SPTB: variants seen among roughly 807,000 people sequenced by gnomAD.
SPTB encodes spectrin beta chain, erythrocytic.
A neutral mutation model predicts 256.2 loss-of-function variants in SPTB; 45 were observed. That is an observed-to-expected ratio of 0.18 (90% CI 0.14 to 0.23). The LOEUF (loss-of-function observed/expected upper bound fraction) is 0.23. Among genes scored for constraint, SPTB ranks in the 10% least tolerant of loss-of-function variants. The probability of loss-of-function intolerance (pLI) is 1.00; values close to 1 mark genes in which losing one functional copy is unlikely to be tolerated. For missense variants in SPTB, 2,715 were observed against 3,040.4 expected, an observed-to-expected ratio of 0.89 and a Z score of 2.52; for synonymous variants, 1,231 against 1,243.1, an observed-to-expected ratio of 0.99 and a Z score of 0.21.
chr14:64,829,328 A>C (rs2083415789), intron 1 of SPTB, among the ~76,000 whole-genome samples: 1 of 152,198 alleles, frequency 6.6e-6, no homozygotes, highest in Non-Finnish European at 1.5e-5. Context: ...AAACAGACAA[A>C]AAAGAGGCAG....
intron 26 of SPTB, among the ~76,000 whole-genome samples, chr14:64,771,606 G>A (rs769630972): frequency 1.3e-5 from 2 of 152,124 alleles, no homozygotes; most frequent in Admixed American, 6.5e-5. Context: ...CTGAGTCCCC[G>A]TTCTTAACCA....
intron 20 of SPTB, among the ~76,000 whole-genome samples, chr14:64,780,456 C>T (rs1489459220): frequency 2.0e-5 from 3 of 152,104 alleles, no homozygotes; most frequent in Non-Finnish European, 4.4e-5. Context: ...TCTTGTTGCC[C>T]AGGCTGGAGT....
rs2082556438 is a variant in SPTB at position 64,785,866 on chromosome 14, G to T, written c.3647C>A (p.Ser1216Tyr). ...GACCTTATCCCGGTTGTTCTCCATA[G>T]ACCCCAAGAAATCCTCAAACTTCCG... is the stretch of plus-strand genomic sequence containing the variant. ...GIRKFEDFLG[S>Y]MENNRDKVLS... The change falls in exon 17 of 36, where the codon TCT (serine) becomes TAT (tyrosine). Residue 1216 changes from serine (S) to tyrosine (Y), a missense_variant. Transcript: ENST00000644917. This position sits in a 1 kb window ranked among gnomAD's most constrained non-coding sequence, Gnocchi z 4.4. 6.2e-7 allele frequency: 1 copy of T among 1,614,078 alleles called. No homozygotes were observed. The highest frequency in any genetic ancestry group is 1.3e-5 in the African/African-American group (1 of 75,004).
In SPTB at chr14:64,770,848, A is replaced by G. The variant is rs773003083; in HGVS notation, c.5798+37T>C. On this transcript the variant is annotated intron_variant, in intron 27 of 35. Coordinates refer to ENST00000644917, the MANE Select transcript of SPTB (RefSeq NM_001355436.2). ...GGTTGGCCGGGCTCCTCTGGCCTGG[A>G]GAGGAGCTGCCTCTGCCTCAAGGAC... 4.3e-6 allele frequency: 7 copies of G among 1,613,560 alleles called. No individual in the cohort carries two copies. The South Asian group carries it at 5.5e-5, about 13-fold the overall frequency.
In SPTB at chr14:64,806,470, G is replaced by A. The variant is rs2082986524; in HGVS notation, c.149-1380C>T. Reference sequence around the variant, plus strand: ...CGGAGCAGGCTGTGTGCTCGACTGAGCCTCAACCGTGAAAGGGCTGGCTTT... The same window carrying A: ...CGGAGCAGGCTGTGTGCTCGACTGAACCTCAACCGTGAAAGGGCTGGCTTT... On this transcript the variant is annotated intron_variant, in intron 2 of 35. Transcript: ENST00000644917. The surrounding 1 kb of genome is among the most constrained non-coding windows in gnomAD (Gnocchi z 4.1). 6.6e-6 allele frequency among the ~76,000 whole-genome samples: 1 copy of A among 152,238 alleles called. No homozygotes were observed. Among genetic ancestry groups the A allele is most frequent in the Admixed American group, 6.5e-5 (1 of 15,280 alleles).
Position 64,772,450 on chromosome 14 carries a change from C to T in SPTB, c.5553+130G>A, listed in dbSNP as rs2082290938. ...AAGCCACTGCTCCCAGCCCTGAGCT[C>T]CTGGCTGTCTAAGGAGGCAAAACCT... On this transcript the variant is annotated intron_variant, in intron 26 of 35. Coordinates refer to ENST00000644917, the MANE Select transcript of SPTB (RefSeq NM_001355436.2). This position sits in a 1 kb window ranked among gnomAD's most constrained non-coding sequence, Gnocchi z 5.4. 7.8e-7 allele frequency: 1 copy of T among 1,276,646 alleles called. No individual in the cohort carries two copies. Among genetic ancestry groups the T allele is most frequent in the Non-Finnish European group, 1.1e-6 (1 of 935,938 alleles). 79.1% of individuals were successfully genotyped at this position (1,276,646 alleles called of 1,614,324 possible). A position where few individuals can be genotyped will look rare whatever the true frequency, so the allele number is the denominator to read the frequency against.
At chr14:64,820,126 A>C (rs1034931094) in intron 2 of SPTB, among the ~76,000 whole-genome samples, 1 of 152,268 alleles carries the variant, frequency 6.6e-6, no homozygotes, top group Middle Eastern at 3.4e-3. Context: ...GATCACTGCT[A>C]TCTTATAAGC....
rs191213043 is a variant in SPTB at position 64,874,734 on chromosome 14, C to T, written c.-52+5058G>A. Among the ~76,000 whole-genome samples, 126 of 152,336 alleles carry T rather than the reference C, an allele frequency of 8.3e-4. 4 individuals carry two copies. In the South Asian group the frequency reaches 0.019, roughly 24 times the overall value. ...TTGCTATACATTCTCAAGTGAGACA[C>T]GCCCATATTTAAGTCTGGTACAAAT... On this transcript the variant is annotated intron_variant, in intron 1 of 35. Coordinates refer to ENST00000644917, the MANE Select transcript of SPTB (RefSeq NM_001355436.2).
intron 32 of SPTB, chr14:64,763,785 G>C (rs776549333): frequency 4.2e-5 from 22 of 518,912 alleles, no homozygotes; most frequent in South Asian, 3.1e-4. Context: ...GCCTTTACCA[G>C]AACGTGCTCT....
chr14:64,765,882 G>A (rs961499107), intron 32 of SPTB, among the ~76,000 whole-genome samples: 11 of 148,038 alleles, frequency 7.4e-5, no homozygotes, highest in Admixed American at 2.0e-4. Flanking sequence ...TGTGGAGGTT[G>A]CGGTGTGTGC....
intron 2 of SPTB, among the ~76,000 whole-genome samples, chr14:64,822,368 T>TCACACACACACACA (rs1594814472): frequency 1.9e-3 from 1 of 538 alleles, no homozygotes; most frequent in Non-Finnish European, 4.8e-3. Context: ...TCTCTCTCTC[T>TCACACACACACACA]CTCTCTCACA....
At chr14:64,869,317 C>T (rs985093069) in intron 1 of SPTB, among the ~76,000 whole-genome samples, 1 of 152,158 alleles carries the variant, frequency 6.6e-6, no homozygotes, top group East Asian at 1.9e-4. Flanking sequence ...GCCTTGTATC[C>T]AAGTTAAAAT....
chr14:64,805,899 G>C (rs1393031815), intron 2 of SPTB, among the ~76,000 whole-genome samples: 2 of 152,190 alleles, frequency 1.3e-5, no homozygotes, highest in Non-Finnish European at 2.9e-5. Flanking sequence ...GCTGAGGGCT[G>C]TCTGCGGCTT....
Position 64,749,356 on chromosome 14 carries a change from C to T in SPTB, c.6937G>A (p.Gly2313Ser), listed in dbSNP as rs536702051. The T allele has an allele frequency of 4.2e-5, 67 of 1,610,546 alleles. No individual in the cohort carries two copies. Among genetic ancestry groups the T allele is most frequent in the South Asian group, 2.1e-4 (19 of 90,918 alleles). Residue 2313 changes from glycine to serine, a missense_variant, in exon 36 of 36, where the codon GGC becomes AGC. Gly to Ser is a moderately conservative substitution (Grantham distance 56, BLOSUM62 0). Transcript: ENST00000644917. The surrounding 1 kb of genome is among the most constrained non-coding windows in gnomAD (Gnocchi z 4.7). ...PSLSGPDASL[G>S]KKDKEKRFSF... ...AATCTCTTCTCCTTGTCTTTCTTGC[C>T]GAGGCTGGCGTCGGGGCCGGAGAGG... is the stretch of plus-strand genomic sequence containing the variant.
At chr14:64,859,702 CTCTCTCTCTCTCTCTCTCTATATA>C (rs1043639287) in intron 1 of SPTB, among the ~76,000 whole-genome samples, 2 of 15,160 alleles carry the variant, frequency 1.3e-4, no homozygotes, top group Non-Finnish European at 6.5e-4. Context: ...CTGTCTCTCT[CTCTCTCTCTCTCTCTCTCTATATA>C]TATATATATA....
chr14:64,830,142 T>C (rs2083430706), intron 1 of SPTB, among the ~76,000 whole-genome samples: 1 of 152,098 alleles, frequency 6.6e-6, no homozygotes, highest in Admixed American at 6.6e-5. Flanking sequence ...ATTGTAATTA[T>C]TCATGTATCT....
At position 64,807,753 on chromosome 14, in the gene SPTB, G is replaced by A. The variant is rs570880009; in HGVS notation, c.149-2663C>T. Among the ~76,000 whole-genome samples the A allele has an allele frequency of 6.6e-5, 10 of 152,344 alleles. No homozygotes were observed. Among genetic ancestry groups the A allele is most frequent in the Middle Eastern group, 3.4e-3 (1 of 294 alleles). ...CAAGCCTTCCAAGGGCAGGAGAGGC[G>A]GTGGCCTGGAGCCAGCTAGGCTGGG... is the stretch of plus-strand genomic sequence containing the variant. On this transcript the variant is annotated intron_variant, in intron 2 of 35. Coordinates refer to ENST00000644917, the MANE Select transcript of SPTB (RefSeq NM_001355436.2). This position sits in a 1 kb window ranked among gnomAD's most constrained non-coding sequence, Gnocchi z 4.7.
rs1461856269 is a variant in SPTB, at chr14:64,800,866, C to T, written c.766G>A (p.Val256Ile). The change falls in exon 8 of 36, where the codon GTC (valine) becomes ATC (isoleucine). Residue 256 changes from valine to isoleucine, a missense_variant and splice_region_variant. By Grantham distance (29) the Val-to-Ile change is conservative (BLOSUM62 3). Coordinates refer to ENST00000644917, the MANE Select transcript of SPTB (RefSeq NM_001355436.2). Reference sequence around the variant, plus strand: ...TTCTCATCAGGGTTTTCCGTAAAGACATCTGTTAGGGAAAAGGGTGTACTC... The same window carrying T: ...TTCTCATCAGGGTTTTCCGTAAAGATATCTGTTAGGGAAAAGGGTGTACTC... ...GIIPLLDPED[V>I]FTENPDEKSI... 6.2e-7 allele frequency: 1 copy of T among 1,613,114 alleles called. No homozygotes were observed. The highest frequency in any genetic ancestry group is 1.7e-5 in the Admixed American group (1 of 59,944).
At chr14:64,765,932 A>G (rs1311238436) in intron 32 of SPTB, among the ~76,000 whole-genome samples, 5 of 124,334 alleles carry the variant, frequency 4.0e-5, no homozygotes, top group African/African-American at 1.2e-4. Context: ...ATGAGTGTGT[A>G]TGTGTGTGGG....
Sources: allele counts gnomAD v4.1 joint callset (sites outside exome capture counted in the v4.1 genomes callset), GRCh38; gene constraint gnomAD v4.1.1; non-coding constraint Gnocchi (gnomAD v3.1); transcripts MANE v1.5; gene names NCBI Gene and HGNC (gene_info 2026-07-23, HGNC 2026-07-21).